Variants in ETNK2 observed in about 807,000 individuals in gnomAD.
ETNK2 encodes ethanolamine kinase 2.
Under a neutral mutation model 46.2 loss-of-function variants are expected in ETNK2, and 33 were observed. The observed-to-expected ratio is 0.71, with a 90% CI of 0.54 to 0.96. The LOEUF is 0.96. ETNK2 is among the 40% of genes least tolerant of loss of function. The pLI is 0.00. For synonymous variants in ETNK2, 194 were observed against 209.0 expected, an observed-to-expected ratio of 0.93 and a Z score of 0.62; for missense variants, 445 against 509.7, an observed-to-expected ratio of 0.87 and a Z score of 1.22.
Position 204,137,097 on chromosome 1 carries a change from C to T in ETNK2, c.1014+7G>A, listed in dbSNP as rs771127563. ...TCCTGCCCCAGCCCTAGAAATAAGG[C>T]ACTCACCAGGGCAAACTTGTTGACT... On this transcript the variant is annotated splice_region_variant and intron_variant, in intron 6 of 7. Transcript: ENST00000367202. 4 of 1,613,308 alleles carry T rather than the reference C, an allele frequency of 2.5e-6. No individual in the cohort carries two copies. The highest frequency in any genetic ancestry group is 3.4e-6 in the Non-Finnish European group (4 of 1,179,516).
chr1:204,146,936 T>G lies in ETNK2; in HGVS notation c.519-172A>C, dbSNP rs1415702596. The G allele has an allele frequency of 6.3e-6, 5 of 799,764 alleles. 1 individual carries two copies. In the South Asian group the frequency reaches 7.3e-5, roughly 12 times the overall value. The allele number at this position is 799,764 out of a possible 1,614,324, so 49.5% of individuals were successfully genotyped here. A position where few individuals can be genotyped will look rare whatever the true frequency, so the allele number is the denominator to read the frequency against. ...GCACAGGTCCTGCAGAAGGAAGGTCTCAGCAGAAGAGAGGAGAATGAATTA... is the reference window on the plus strand; with the variant it reads ...GCACAGGTCCTGCAGAAGGAAGGTCGCAGCAGAAGAGAGGAGAATGAATTA... On this transcript the variant is annotated intron_variant, in intron 2 of 7. Transcript: ENST00000367202.
In ETNK2 at chr1:204,134,591, G is replaced by A; in HGVS notation, c.1015-3C>T. On this transcript the variant is annotated splice_region_variant and splice_polypyrimidine_tract_variant and intron_variant, in intron 6 of 7. Transcript: ENST00000367202. The stretch of plus-strand genomic sequence containing the variant: ...AGAGCCCAGAAGAAGTGAGACGCCT[G>A]GAAACAGACCAGAGAGGGTCAGCCT... 1.2e-6 allele frequency: 2 copies of A among 1,614,040 alleles called. No homozygotes were observed. The highest frequency in any genetic ancestry group is 8.5e-7 in the Non-Finnish European group (1 of 1,179,892).
chr1:204,149,820 A>G lies in ETNK2; in HGVS notation c.401T>C (p.Leu134Pro). 6.2e-7 allele frequency: 1 copy of G among 1,606,868 alleles called. No individual in the cohort carries two copies. Among genetic ancestry groups the G allele is most frequent in the Non-Finnish European group, 8.5e-7 (1 of 1,176,850 alleles). ...TTTGGGGGCACAGCTGTGTGCTCGC[A>G]GCAGCTGGAAGTTTCTGACCTCATT... ...RENEVRNFQL[L>P]RAHSCAPKLY... Residue 134 changes from leucine to proline, a missense_variant, in exon 2 of 8, where the codon CTG (leucine) becomes CCG (proline). By Grantham distance (98) the Leu-to-Pro change is moderately conservative. Transcript: ENST00000367202.
chr1:204,141,505 A>G (rs2102291540), intron 3 of ETNK2, 48 bp from the exon 4 acceptor site: 1 of 1,545,692 alleles, frequency 6.5e-7, no homozygotes, highest in East Asian at 2.4e-5. Flanking sequence ...GCTGATAGAC[A>G]GGTGCTTGGC....
intron 5 of ETNK2, among the ~76,000 whole-genome samples, chr1:204,139,649 C>A (rs1252760536): frequency 6.6e-6 from 1 of 152,174 alleles, no homozygotes; most frequent in African/African-American, 2.4e-5. Context: ...GTGCTTTGAA[C>A]GTTGGTCAAA....
chr1:204,148,791 C>T (rs1179702111), intron 2 of ETNK2, among the ~76,000 whole-genome samples: 1 of 152,194 alleles, frequency 6.6e-6, no homozygotes, highest in Non-Finnish European at 1.5e-5. Context: ...GCTCTACCCC[C>T]AGGTGGGCTT....
At chr1:204,148,787 C>A (rs1482747301) in intron 2 of ETNK2, among the ~76,000 whole-genome samples, 5 of 152,182 alleles carry the variant, frequency 3.3e-5, no homozygotes, top group African/African-American at 1.2e-4. Flanking sequence ...TCTTGCTCTA[C>A]CCCCAGGTGG....
chr1:204,137,046 C>T, intron 6 of ETNK2, 58 bp downstream of exon 6: 1 of 1,593,304 alleles, frequency 6.3e-7, no homozygotes, highest in Non-Finnish European at 8.6e-7. Context: ...AGGTGGGTCA[C>T]CAGTCCCTCC....
chr1:204,144,621 T>C (rs1657707038), intron 3 of ETNK2, among the ~76,000 whole-genome samples: 1 of 152,124 alleles, frequency 6.6e-6, no homozygotes, highest in African/African-American at 2.4e-5. Flanking sequence ...CTCAAACATC[T>C]TCATGACTTC....
Position 204,141,272 on chromosome 1 carries a change from C to G in ETNK2, c.784+43G>C, listed in dbSNP as rs759383121. ...AGCTCCGTGAAGCCAGCTAACCAAC[C>G]AACCAAAACCCTGCTGCTGCCCCAG... On this transcript the variant is annotated intron_variant, in intron 4 of 7. Coordinates refer to ENST00000367202, the MANE Select transcript of ETNK2 (RefSeq NM_018208.4). 6 of 1,613,786 alleles carry G rather than the reference C, an allele frequency of 3.7e-6. No homozygotes were observed. In the South Asian group the frequency reaches 4.4e-5, roughly 12 times the overall value.
Position 204,149,872 on chromosome 1 carries a change from G to A in ETNK2, c.349C>T (p.Arg117Trp), listed in dbSNP as rs1420802320. 1.3e-5 allele frequency: 20 copies of A among 1,593,468 alleles called. No individual in the cohort carries two copies. The highest frequency in any genetic ancestry group is 2.7e-5 in the African/African-American group (2 of 74,474). The stretch of plus-strand genomic sequence containing the variant: ...TCCCGGTCCACCAGCAGCTCCGTCC[G>A]CTCCCCATACACCCGGACCAGCACG... ...DCVLVRVYGERTELLVDRENE... is the reference protein window; with the variant it reads ...DCVLVRVYGEWTELLVDRENE... Residue 117 changes from arginine to tryptophan, a missense_variant, in exon 2 of 8, where the codon CGG becomes TGG. Physicochemically the swap from Arg to Trp is moderately radical, Grantham distance 101. Coordinates refer to ENST00000367202, the MANE Select transcript of ETNK2 (RefSeq NM_018208.4).
chr1:204,137,777 A>T (rs1012174520), intron 5 of ETNK2, among the ~76,000 whole-genome samples: 2 of 152,182 alleles, frequency 1.3e-5, no homozygotes, highest in Non-Finnish European at 2.9e-5. Context: ...ACTTAAAAAC[A>T]TCACCTGGAG....
chr1:204,139,558 G>A (rs933135593), intron 5 of ETNK2, among the ~76,000 whole-genome samples: 3 of 152,164 alleles, frequency 2.0e-5, no homozygotes, highest in African/African-American at 7.2e-5. Context: ...GAGGACAAGA[G>A]CTATCTAGCC....
At chr1:204,133,689 G>A (rs961860011) in intron 7 of ETNK2, among the ~76,000 whole-genome samples, 2 of 151,576 alleles carry the variant, frequency 1.3e-5, no homozygotes, top group Admixed American at 6.6e-5. Flanking sequence ...CCGCCACCAC[G>A]CCCGGCTAAT....
At chr1:204,147,004 C>T (rs2102300898) in intron 2 of ETNK2, 1 of 641,008 alleles carries the variant, frequency 1.6e-6, no homozygotes, top group Non-Finnish European at 3.0e-6. Flanking sequence ...CAGGCTGGGG[C>T]TGCCTCAGGG....
chr1:204,134,673 TG>T (rs1449684832), intron 6 of ETNK2, 85 bp from the exon 7 acceptor site: 19 of 1,613,664 alleles, frequency 1.2e-5, no homozygotes, highest in Non-Finnish European at 1.4e-5. Flanking sequence ...GCAGTCATTG[TG>T]GAAGACACAC....
chr1:204,136,035 T>A lies in ETNK2; in HGVS notation c.1014+1069A>T, dbSNP rs186772715. The stretch of plus-strand genomic sequence containing the variant: ...AGAGTTCTGAGTCAGTGGAGGTAGT[T>A]ACACAGAAGTATGAGCTTGATATTC... On this transcript the variant is annotated intron_variant, in intron 6 of 7. Coordinates refer to ENST00000367202, the MANE Select transcript of ETNK2 (RefSeq NM_018208.4). Among the ~76,000 whole-genome samples the A allele has an allele frequency of 2.6e-5, 4 of 152,244 alleles. No individual in the cohort carries two copies. In the East Asian group the frequency reaches 7.7e-4, roughly 29 times the overall value.
chr1:204,134,366 C>T, intron 7 of ETNK2, 149 bp downstream of exon 7: 2 of 811,260 alleles, frequency 2.5e-6, no homozygotes, highest in Non-Finnish European at 3.8e-6. Flanking sequence ...GGGATAGTGG[C>T]CCCGCTGGAG....
At position 204,151,980 on chromosome 1, in the gene ETNK2, C is replaced by A; in HGVS notation, c.-128G>T. 1 of 1,001,660 alleles carries A rather than the reference C, an allele frequency of 1.0e-6. No homozygotes were observed. Among genetic ancestry groups the A allele is most frequent in the Non-Finnish European group, 1.3e-6 (1 of 773,830 alleles). 62.0% of individuals were successfully genotyped at this position (1,001,660 alleles called of 1,614,324 possible). ...TGACTCAGGCGCGAGCTGCCCGCTT[C>A]GATCGCCGGCTCGCGGCCCGCCGCC... On this transcript the variant is annotated 5_prime_UTR_variant, in exon 1 of 8. Transcript: ENST00000367202. This position sits in a 1 kb window ranked among gnomAD's most constrained non-coding sequence, Gnocchi z 8.0.
Sources: allele counts gnomAD v4.1 joint callset (sites outside exome capture counted in the v4.1 genomes callset), GRCh38; gene constraint gnomAD v4.1.1; non-coding constraint Gnocchi (gnomAD v3.1); transcripts MANE v1.5; gene names NCBI Gene and HGNC (gene_info 2026-07-23, HGNC 2026-07-21).